Variants in DCTN6 observed in about 807,000 individuals in gnomAD.
The protein encoded by DCTN6 is dynactin 6.
DCTN6 carries 15 observed loss-of-function variants against 25.8 expected under a neutral mutation model. That is an observed-to-expected ratio of 0.58 (90% CI 0.39 to 0.89). The LOEUF (loss-of-function observed/expected upper bound fraction) is 0.89. Among genes scored for constraint, DCTN6 ranks in the 40% least tolerant of loss-of-function variants. DCTN6 has a pLI of 0.00. For synonymous variants in DCTN6, 64 were observed against 78.3 expected (o/e 0.82, Z 0.96); for missense variants, 198 against 237.6 (o/e 0.83, Z 1.09).
At chr8:30,170,557 A>G (rs1191544596) in intron 2 of DCTN6, among the ~76,000 whole-genome samples, 2 of 152,208 alleles carry the variant, frequency 1.3e-5, no homozygotes, top group Admixed American at 1.3e-4. Flanking sequence ...AGTAATAACA[A>G]TAATAAAATA....
chr8:30,167,340 C>G (rs1043836040), intron 2 of DCTN6, among the ~76,000 whole-genome samples: 1 of 152,020 alleles, frequency 6.6e-6, no homozygotes, highest in African/African-American at 2.4e-5. Flanking sequence ...AATCTACTTT[C>G]CTTTTAGTTT....
chr8:30,182,528 G>T (rs1803922832), intron 6 of DCTN6, among the ~76,000 whole-genome samples: 2 of 151,380 alleles, frequency 1.3e-5, no homozygotes, highest in South Asian at 2.1e-4. Context: ...ACTGATTTCT[G>T]TATATTTTTA....
At chr8:30,166,609 G>T (rs1803679407) in intron 2 of DCTN6, among the ~76,000 whole-genome samples, 1 of 152,068 alleles carries the variant, frequency 6.6e-6, no homozygotes, top group African/African-American at 2.4e-5. Flanking sequence ...GCTTTTCTGG[G>T]CTGTAAAGGC....
chr8:30,162,265 T>G (rs1008662708), intron 1 of DCTN6, among the ~76,000 whole-genome samples: 1 of 151,986 alleles, frequency 6.6e-6, no homozygotes, highest in Non-Finnish European at 1.5e-5. Context: ...TTTTGTATTT[T>G]TAGTAGAGAC....
At chr8:30,178,454 T>G (rs921072981) in intron 4 of DCTN6, among the ~76,000 whole-genome samples, 1 of 132,704 alleles carries the variant, frequency 7.5e-6, no homozygotes, top group African/African-American at 2.9e-5. Flanking sequence ...TGAGCGAAAC[T>G]CCGTCTCAAA....
At chr8:30,172,933 T>A (rs915301648) in intron 2 of DCTN6, among the ~76,000 whole-genome samples, 3 of 152,216 alleles carry the variant, frequency 2.0e-5, no homozygotes, top group African/African-American at 7.2e-5. Flanking sequence ...AAAGAAAAGG[T>A]TAGATGCACA....
At chr8:30,157,408 T>C (rs1312683371) in intron 1 of DCTN6, among the ~76,000 whole-genome samples, 3 of 152,214 alleles carry the variant, frequency 2.0e-5, no homozygotes, top group Non-Finnish European at 2.9e-5. Context: ...AGGAGTGCAG[T>C]TGTCTTTTTA....
At chr8:30,164,040 A>G (rs1253070656) in intron 1 of DCTN6, 71 bp from the exon 2 acceptor site, 4 of 1,325,904 alleles carry the variant, frequency 3.0e-6, no homozygotes, top group African/African-American at 2.9e-5. Context: ...TTTCATTACA[A>G]TGTCACGGTA....
rs111706788 is a variant in DCTN6, at chr8:30,167,691, T to TTTTCTTTCTTTCTTTC, written c.88+3524_88+3539dup. Among the ~76,000 whole-genome samples the TTTTCTTTCTTTCTTTC allele has an allele frequency of 2.8e-4, 42 of 151,632 alleles. 1 individual carries two copies. The East Asian group carries it at 3.1e-3, about 11-fold the overall frequency. ...GGTTAAAATGACATTTTAACACAGA[T>TTTTCTTTCTTTCTTTC]TTTCTTTCTTTCTTTCTTTCTTTTT... On this transcript the variant is annotated intron_variant, in intron 2 of 6. Transcript: ENST00000221114.
intron 6 of DCTN6, among the ~76,000 whole-genome samples, chr8:30,181,969 A>C (rs926931107): frequency 1.3e-5 from 2 of 151,716 alleles, no homozygotes; most frequent in African/African-American, 4.8e-5. Flanking sequence ...GGGTTACTCT[A>C]TTTCTGTAAT....
chr8:30,168,676 C>G (rs1803720008), intron 2 of DCTN6, among the ~76,000 whole-genome samples: 1 of 152,134 alleles, frequency 6.6e-6, no homozygotes, highest in African/African-American at 2.4e-5. Flanking sequence ...GCTAATGGAA[C>G]TTTAAACCCG....
intron 6 of DCTN6, among the ~76,000 whole-genome samples, chr8:30,182,816 G>A (rs145462992): frequency 0.01 from 1,530 of 151,592 alleles, 35 homozygotes; most frequent in East Asian, 0.057. Context: ...CACCCCTGCC[G>A]CCCTGCTTCC....
chr8:30,161,531 C>T (rs576829317), intron 1 of DCTN6, among the ~76,000 whole-genome samples: 45 of 152,086 alleles, frequency 3.0e-4, no homozygotes, highest in Admixed American at 1.8e-3. Context: ...AATTCAAATC[C>T]CTGGTCATGG....
At chr8:30,158,099 G>T (rs1282229592) in intron 1 of DCTN6, among the ~76,000 whole-genome samples, 1 of 152,138 alleles carries the variant, frequency 6.6e-6, no homozygotes, top group Non-Finnish European at 1.5e-5. Flanking sequence ...TGGCCTAGTG[G>T]CCTGCCCCAC....
intron 4 of DCTN6, among the ~76,000 whole-genome samples, chr8:30,178,748 T>A (rs1367066154): frequency 6.6e-6 from 1 of 152,074 alleles, no homozygotes; most frequent in Non-Finnish European, 1.5e-5. Context: ...CAGCCTCAGC[T>A]CCCAGACTCA....
intron 1 of DCTN6, among the ~76,000 whole-genome samples, chr8:30,161,941 G>A (rs1425827632): frequency 1.3e-5 from 2 of 150,182 alleles, no homozygotes; most frequent in Non-Finnish European, 3.0e-5. Context: ...TAGAGACGGG[G>A]TTTCACCGTG....
chr8:30,158,692 G>T, intron 1 of DCTN6, among the ~76,000 whole-genome samples: 1 of 127,162 alleles, frequency 7.9e-6, no homozygotes, highest in African/African-American at 2.8e-5. Flanking sequence ...TGTTATTTCA[G>T]TAGATTGACT....
chr8:30,177,298 T>G (rs1803848827), intron 4 of DCTN6, 84 bp downstream of exon 4: 3 of 1,116,956 alleles, frequency 2.7e-6, no homozygotes, highest in African/African-American at 1.6e-5. Flanking sequence ...TGTAAATAAT[T>G]CCTGGCTCTC....
intron 3 of DCTN6, among the ~76,000 whole-genome samples, chr8:30,175,707 T>C (rs1219074446): frequency 6.6e-6 from 1 of 152,122 alleles, no homozygotes; most frequent in Non-Finnish European, 1.5e-5. Flanking sequence ...AATAATAAAA[T>C]ACTAGAACAT....
Sources: allele counts gnomAD v4.1 joint callset (sites outside exome capture counted in the v4.1 genomes callset), GRCh38; gene constraint gnomAD v4.1.1; transcripts MANE v1.5; gene names NCBI Gene and HGNC (gene_info 2026-07-23, HGNC 2026-07-21).